Variants in DHX57 observed in about 807,000 individuals in gnomAD.
DHX57 encodes DExH-box helicase 57.
In DHX57, 105 loss-of-function variants were observed where a neutral mutation model predicts 156.2. The ratio of observed to expected loss-of-function variants is 0.67; its 90% CI spans 0.57 to 0.79. DHX57 has a LOEUF of 0.79. Ranked by LOEUF, DHX57 falls within the 30% of genes least tolerant of loss-of-function variation. DHX57 has a pLI of 0.00. For synonymous variants in DHX57, 704 were observed against 595.6 expected, an observed-to-expected ratio of 1.18 and a Z score of -2.65; for missense variants, 1,847 against 1,661.9, an observed-to-expected ratio of 1.11 and a Z score of -1.94.
chr2:38,846,487 T>C (rs1244234313), intron 11 of DHX57, among the ~76,000 whole-genome samples: 2 of 147,334 alleles, frequency 1.4e-5, no homozygotes, highest in African/African-American at 2.5e-5. Flanking sequence ...GGCATGGGGG[T>C]GTGTGTCTGT....
At chr2:38,873,214 T>C (rs1351898717) in intron 1 of DHX57, among the ~76,000 whole-genome samples, 2 of 152,078 alleles carry the variant, frequency 1.3e-5, no homozygotes, top group African/African-American at 4.8e-5. Flanking sequence ...TGGTCTCGAA[T>C]TCCTGACCTC....
At chr2:38,866,255 C>G (rs2124942945) in intron 2 of DHX57, among the ~76,000 whole-genome samples, 1 of 152,306 alleles carries the variant, frequency 6.6e-6, no homozygotes, top group South Asian at 2.1e-4. Flanking sequence ...CCTATACAGT[C>G]TGGTCTTTCT....
intron 22 of DHX57, among the ~76,000 whole-genome samples, chr2:38,803,982 A>G (rs1669820997): frequency 6.6e-6 from 1 of 151,968 alleles, no homozygotes; most frequent in African/African-American, 2.4e-5. Context: ...GGGTTTCACC[A>G]TGTTGGCCAG....
chr2:38,826,890 G>A (rs1671114581), intron 14 of DHX57, among the ~76,000 whole-genome samples: 1 of 152,132 alleles, frequency 6.6e-6, no homozygotes, highest in African/African-American at 2.4e-5. Flanking sequence ...CAGCACTTTG[G>A]AAGGCTGAGG....
intron 21 of DHX57, chr2:38,810,743 CT>C: frequency 1.2e-6 from 1 of 826,152 alleles, no homozygotes; most frequent in Non-Finnish European, 2.1e-6. Flanking sequence ...AAGCCCAGGC[CT>C]TGTTTGATTT....
At chr2:38,810,583 G>T (rs1670190081) in intron 21 of DHX57, 1 of 593,970 alleles carries the variant, frequency 1.7e-6, no homozygotes, top group South Asian at 1.5e-5. Context: ...AGACAGTGGG[G>T]GCTCCTGGCA....
rs554467841 is a variant in DHX57, at chr2:38,826,184, C to A, written c.2814-137G>T. 59 of 942,302 alleles carry A rather than the reference C, an allele frequency of 6.3e-5. 1 individual carries two copies. The South Asian group carries it at 9.0e-4, about 14-fold the overall frequency. 58.4% of individuals were successfully genotyped at this position (942,302 alleles called of 1,614,324 possible). A position where few individuals can be genotyped will look rare whatever the true frequency, so the allele number is the denominator to read the frequency against. On this transcript the variant is annotated intron_variant, in intron 15 of 23. Transcript: ENST00000457308. ...CCTGTATATTCTGGGATAGTTGAGCCCCTGGTAGGAGCAGCTAGTGCTGAT... is the reference window on the plus strand; with the variant it reads ...CCTGTATATTCTGGGATAGTTGAGCACCTGGTAGGAGCAGCTAGTGCTGAT...
chr2:38,803,080 C>T, intron 22 of DHX57, 165 bp from the exon 23 acceptor site: 1 of 649,584 alleles, frequency 1.5e-6, no homozygotes, highest in South Asian at 1.9e-5. Context: ...TATTGACTTG[C>T]CATCTCCTCT....
intron 5 of DHX57, among the ~76,000 whole-genome samples, chr2:38,860,510 C>T (rs1474386557): frequency 1.3e-5 from 2 of 151,992 alleles, no homozygotes; most frequent in South Asian, 2.1e-4. Context: ...AGCTAGAAGC[C>T]TGCACAAGTA....
At chr2:38,825,397 G>A (rs1173502596) in intron 16 of DHX57, among the ~76,000 whole-genome samples, 1 of 152,078 alleles carries the variant, frequency 6.6e-6, no homozygotes, top group Non-Finnish European at 1.5e-5. Flanking sequence ...CTGCCTCCTG[G>A]GTTCAAGAGA....
chr2:38,823,318 T>C (rs1670924679), intron 16 of DHX57, 49 bp from the exon 17 acceptor site: 1 of 1,550,318 alleles, frequency 6.5e-7, no homozygotes, highest in African/African-American at 1.4e-5. Context: ...TCTGGTGGGA[T>C]GACACAGAGG....
intron 1 of DHX57, among the ~76,000 whole-genome samples, chr2:38,875,208 T>C (rs1205450015): frequency 6.6e-6 from 1 of 152,222 alleles, no homozygotes; most frequent in East Asian, 1.9e-4. Flanking sequence ...GATTCCACTA[T>C]CTATTCCATC....
At position 38,863,386 on chromosome 2, in the gene DHX57, C is replaced by T; in HGVS notation, c.358G>A (p.Glu120Lys). The T allele has an allele frequency of 1.2e-6, 2 of 1,612,688 alleles. No individual in the cohort carries two copies. The highest frequency in any genetic ancestry group is 1.7e-6 in the Non-Finnish European group (2 of 1,179,698). Residue 120 changes from glutamate to lysine, a missense_variant, in exon 3 of 24, where the codon GAA (glutamate) becomes AAA (lysine). Glu to Lys is a moderately conservative substitution (Grantham distance 56). Transcript: ENST00000457308. ...KVKALLRDLQEQDADAGSERG... is the reference protein window; with the variant it reads ...KVKALLRDLQKQDADAGSERG... ...TCAGATCCAGCATCAGCATCTTGTT[C>T]TTGCAGGTCTCGGAGAAGAGCTTTC...
Position 38,862,170 on chromosome 2 carries a change from G to A in DHX57, c.547C>T (p.Pro183Ser). The change falls in exon 4 of 24, where the codon CCA becomes TCA. Residue 183 changes from proline (P) to serine (S), a missense_variant. Physicochemically the swap from Pro to Ser is moderately conservative, Grantham distance 74. Coordinates refer to ENST00000457308, the MANE Select transcript of DHX57 (RefSeq NM_198963.3). ...EPYVPEFTVSPFAVQKLSRYG... is the reference protein window; with the variant it reads ...EPYVPEFTVSSFAVQKLSRYG... ...CTGGAAAGTTTTTGCACTGCAAATG[G>A]GGAGACTGTAAATTCTGGAACATAA... 6.2e-7 allele frequency: 1 copy of A among 1,607,532 alleles called. No individual in the cohort carries two copies. Among genetic ancestry groups the A allele is most frequent in the Non-Finnish European group, 8.5e-7 (1 of 1,176,400 alleles).
At chr2:38,830,409 C>T (rs559560100) in intron 13 of DHX57, among the ~76,000 whole-genome samples, 1 of 152,024 alleles carries the variant, frequency 6.6e-6, no homozygotes, top group Non-Finnish European at 1.5e-5. Flanking sequence ...GGGTGGATCA[C>T]CTGAGGTCAA....
chr2:38,818,501 C>A (rs751525256), intron 19 of DHX57, among the ~76,000 whole-genome samples: 7 of 152,200 alleles, frequency 4.6e-5, no homozygotes, highest in Non-Finnish European at 8.8e-5. Context: ...GCATTCCAGC[C>A]TGGGAGACAG....
At chr2:38,848,111 T>C (rs1218014367) in intron 10 of DHX57, among the ~76,000 whole-genome samples, 158 bp downstream of exon 10, 1 of 152,148 alleles carries the variant, frequency 6.6e-6, no homozygotes, top group Admixed American at 6.6e-5. Context: ...GCAAGATATG[T>C]TACCTCCTTA....
In DHX57 at chr2:38,857,984, C is replaced by T. The variant is rs141831296; in HGVS notation, c.1587+677G>A. On this transcript the variant is annotated intron_variant, in intron 6 of 23. Transcript: ENST00000457308. The stretch of plus-strand genomic sequence containing the variant: ...ATTGTCTCAAGTGATCCTCCTGCCT[C>T]AGCCTTCCAAGTAGCTGAGACTACA... Among the ~76,000 whole-genome samples, 19 of 152,366 alleles carry T rather than the reference C, an allele frequency of 1.2e-4. No individual in the cohort carries two copies. The East Asian group carries it at 3.1e-3, about 25-fold the overall frequency.
intron 2 of DHX57, among the ~76,000 whole-genome samples, chr2:38,867,565 T>G (rs1003777700): frequency 1.2e-4 from 18 of 152,098 alleles, no homozygotes; most frequent in African/African-American, 4.3e-4. Context: ...GGCTGTTCAA[T>G]GTTTGTTTTT....
Sources: gnomAD v4.1 joint callset for allele counts (sites outside exome capture counted in the v4.1 genomes callset) on GRCh38, gnomAD v4.1.1 for gene constraint, MANE v1.5 for transcripts, NCBI Gene and HGNC (gene_info 2026-07-23, HGNC 2026-07-21) for gene names.